The following TENM3 variants were observed in gnomAD, a reference collection of about 807,000 sequenced individuals.
The protein encoded by TENM3 is teneurin-3.
Under a neutral mutation model 255.1 loss-of-function variants are expected in TENM3, and 63 were observed. That is an observed-to-expected ratio of 0.25 (90% CI 0.20 to 0.30). TENM3 has a LOEUF of 0.30. Among genes scored for constraint, TENM3 ranks in the 10% least tolerant of loss-of-function variants. TENM3 has a pLI of 1.00. For missense variants in TENM3, 2,929 were observed against 3,461.1 expected, an observed-to-expected ratio of 0.85 and a Z score of 3.86; for synonymous variants, 1,306 against 1,322.3, an observed-to-expected ratio of 0.99 and a Z score of 0.27.
chr4:181,944,571 C>T, the TENM3 span, among the ~76,000 whole-genome samples: 1 of 152,132 alleles, frequency 6.6e-6, no homozygotes. Flanking sequence ...CATAAAATTA[C>T]CATCACAGAG....
chr4:182,797,914 T>A (rs1324318979), intron 27 of TENM3, among the ~76,000 whole-genome samples: 1 of 152,252 alleles, frequency 6.6e-6, no homozygotes, highest in Admixed American at 6.5e-5. Flanking sequence ...TGTTGTTTCA[T>A]ACCTAATATA....
the TENM3 span, among the ~76,000 whole-genome samples, chr4:181,731,857 C>T: frequency 4.6e-5 from 7 of 152,054 alleles, no homozygotes; most frequent in South Asian, 2.1e-4. Context: ...AACATTTTTA[C>T]GAATAAATTT....
chr4:182,621,652 TA>T (rs1561015960), intron 4 of TENM3, among the ~76,000 whole-genome samples: 24 of 65,736 alleles, frequency 3.7e-4, no homozygotes, highest in South Asian at 4.8e-4. Flanking sequence ...ATACATATTA[TA>T]ATATATAATA....
chr4:181,499,409 G>A, the TENM3 span, among the ~76,000 whole-genome samples: 1 of 152,162 alleles, frequency 6.6e-6, no homozygotes. Flanking sequence ...CATCTAAAGG[G>A]AAGGGTTACA....
the TENM3 span, among the ~76,000 whole-genome samples, chr4:181,661,169 T>C: frequency 3.3e-5 from 5 of 152,166 alleles, no homozygotes; most frequent in Non-Finnish European, 7.4e-5. Flanking sequence ...TGAAAATCTT[T>C]AATGGCATAA....
intron 21 of TENM3, 27 bp downstream of exon 21, chr4:182,753,631 TG>T: frequency 1.2e-6 from 2 of 1,609,476 alleles, no homozygotes; most frequent in Non-Finnish European, 1.7e-6. Flanking sequence ...CGGACTTGTT[TG>T]TTTTTCCTCT....
rs1187355218 is a variant in TENM3 at position 182,800,139 on chromosome 4, G to T, written c.7888G>T (p.Ala2630Ser). Reference protein sequence around the residue: ...ILEQARQRALARAWAREQQRV... With the variant: ...ILEQARQRALSRAWAREQQRV... The stretch of plus-strand genomic sequence containing the variant: ...GGAGCAGGCGCGGCAGCGCGCGCTC[G>T]CCCGGGCCTGGGCGCGCGAGCAGCA... The change falls in exon 28 of 28, where the codon GCC (alanine) becomes TCC (serine). Residue 2630 changes from alanine to serine, a missense_variant. By Grantham distance (99) the Ala-to-Ser change is moderately conservative (BLOSUM62 1). Coordinates refer to ENST00000511685, the MANE Select transcript of TENM3 (RefSeq NM_001080477.4). 1.4e-6 allele frequency: 2 copies of T among 1,453,114 alleles called. No homozygotes were observed. The highest frequency in any genetic ancestry group is 1.8e-6 in the Non-Finnish European group (2 of 1,112,324). The allele number at this position is 1,453,114 out of a possible 1,614,324, so 90.0% of individuals were successfully genotyped here.
chr4:182,474,416 G>C (rs1354604047), intron 3 of TENM3, among the ~76,000 whole-genome samples: 1 of 152,144 alleles, frequency 6.6e-6, no homozygotes, highest in East Asian at 1.9e-4. Flanking sequence ...TTAGCATTGT[G>C]GATGGGATAA....
the TENM3 span, among the ~76,000 whole-genome samples, chr4:181,945,911 G>A: frequency 0.17 from 26,073 of 151,844 alleles, 2,824 homozygotes; most frequent in African/African-American, 0.31. Context: ...ACAGTCTGGA[G>A]AAATATATAT....
At chr4:181,475,999 T>TAC in the TENM3 span, among the ~76,000 whole-genome samples, 2 of 152,314 alleles carry the variant, frequency 1.3e-5, no homozygotes, top group East Asian at 3.9e-4. Context: ...GAAGTCAGAA[T>TAC]GGTGCTGACT....
At chr4:182,188,420 G>A (rs1373322421) in intron 1 of TENM3, among the ~76,000 whole-genome samples, 1 of 152,114 alleles carries the variant, frequency 6.6e-6, no homozygotes, top group East Asian at 1.9e-4. Flanking sequence ...GGCTCCATAT[G>A]TCTCAGGACA....
chr4:181,514,717 C>T, the TENM3 span, among the ~76,000 whole-genome samples: 2 of 152,132 alleles, frequency 1.3e-5, no homozygotes, highest in African/African-American at 4.8e-5. Context: ...AAAAACAAAA[C>T]CATCTGCTTA....
At chr4:182,365,378 A>G (rs937906125) in intron 3 of TENM3, among the ~76,000 whole-genome samples, 1 of 152,160 alleles carries the variant, frequency 6.6e-6, no homozygotes, top group African/African-American at 2.4e-5. Flanking sequence ...TGGTTGCAGG[A>G]CCTTTTGTAT....
At chr4:181,664,838 G>A in the TENM3 span, among the ~76,000 whole-genome samples, 1 of 152,184 alleles carries the variant, frequency 6.6e-6, no homozygotes, top group Non-Finnish European at 1.5e-5. Flanking sequence ...TCTCCTGGAA[G>A]AACCCTGCAG....
At chr4:181,806,774 G>A in the TENM3 span, among the ~76,000 whole-genome samples, 1 of 152,230 alleles carries the variant, frequency 6.6e-6, no homozygotes, top group Admixed American at 6.5e-5. Context: ...TGTTATAGCA[G>A]CACAAAACAG....
chr4:182,364,573 C>T (rs992513258), intron 3 of TENM3, among the ~76,000 whole-genome samples: 1 of 152,054 alleles, frequency 6.6e-6, no homozygotes, highest in South Asian at 2.1e-4. Flanking sequence ...CCCACCACCA[C>T]GCCCGGCTAA....
chr4:182,273,743 C>A (rs1315019079), intron 1 of TENM3, among the ~76,000 whole-genome samples: 1 of 152,194 alleles, frequency 6.6e-6, no homozygotes, highest in African/African-American at 2.4e-5. Context: ...ACATTCAACA[C>A]AAGGCAATTT....
chr4:182,264,490 T>A (rs1346184379), intron 1 of TENM3, among the ~76,000 whole-genome samples: 2 of 152,220 alleles, frequency 1.3e-5, no homozygotes, highest in Non-Finnish European at 2.9e-5. Context: ...ATTAAATAGT[T>A]AAAAGTCTTT....
the TENM3 span, among the ~76,000 whole-genome samples, chr4:182,041,604 C>A: frequency 6.6e-6 from 1 of 152,280 alleles, no homozygotes; most frequent in African/African-American, 2.4e-5. Flanking sequence ...TAAAATTATT[C>A]ATATAAACCA....
Sources: gnomAD v4.1 joint callset for allele counts (sites outside exome capture counted in the v4.1 genomes callset) on GRCh38, gnomAD v4.1.1 for gene constraint, MANE v1.5 for transcripts, NCBI Gene and HGNC (gene_info 2026-07-23, HGNC 2026-07-21) for gene names.